The following ABLIM1 variants were observed in gnomAD, a reference collection of about 807,000 sequenced individuals.
The protein encoded by ABLIM1 is actin-binding LIM protein 1.
Under a neutral mutation model 107.0 loss-of-function variants are expected in ABLIM1, and 40 were observed. That is an observed-to-expected ratio of 0.37 (90% CI 0.29 to 0.49). ABLIM1 has a LOEUF of 0.49. ABLIM1 is among the 20% of genes least tolerant of loss of function. The probability of loss-of-function intolerance (pLI) is 0.97; values close to 1 mark genes in which losing one functional copy is unlikely to be tolerated. For synonymous variants in ABLIM1, 357 were observed against 357.3 expected, an observed-to-expected ratio of 1.00 and a Z score of 0.01; for missense variants, 857 against 1,008.5, an observed-to-expected ratio of 0.85 and a Z score of 2.04.
chr10:114,601,497 C>A (rs1212490691), intron 2 of ABLIM1, among the ~76,000 whole-genome samples: 9 of 152,042 alleles, frequency 5.9e-5, no homozygotes, highest in Non-Finnish European at 8.8e-5. Flanking sequence ...AACTCTTGAC[C>A]TCAGGCGATC....
At position 114,466,325 on chromosome 10, in the gene ABLIM1, T is replaced by C. The variant is rs565962628; in HGVS notation, c.1312-498A>G. On this transcript the variant is annotated intron_variant, in intron 11 of 22. Transcript: ENST00000533213. ...ACACTGTTTCTTTAAAAAAAAAAAA[T>C]TTTAAGGATGAAAACATATAAACCT... Among the ~76,000 whole-genome samples the C allele has an allele frequency of 1.6e-4, 24 of 152,054 alleles. No homozygotes were observed. In the South Asian group the frequency reaches 2.1e-3, roughly 13 times the overall value.
chr10:114,654,473 C>CT (rs1438652780), intron 1 of ABLIM1, among the ~76,000 whole-genome samples: 2 of 152,096 alleles, frequency 1.3e-5, no homozygotes, highest in East Asian at 1.9e-4. Context: ...TTATTTTTAT[C>CT]TTTTTTTACA....
chr10:114,668,239 G>T (rs1169713669), intron 1 of ABLIM1, among the ~76,000 whole-genome samples: 1 of 152,200 alleles, frequency 6.6e-6, no homozygotes, highest in Non-Finnish European at 1.5e-5. Flanking sequence ...CCCAGCCTGG[G>T]AGGAGGTGGG....
intron 8 of ABLIM1, among the ~76,000 whole-genome samples, chr10:114,480,858 A>G (rs879493624): frequency 3.3e-5 from 5 of 152,222 alleles, no homozygotes; most frequent in Admixed American, 3.3e-4. Flanking sequence ...ACACACACAC[A>G]CAAATAACAA....
upstream of ABLIM1, among the ~76,000 whole-genome samples, chr10:114,686,741 G>C (rs183963486): frequency 8.6e-4 from 130 of 151,686 alleles, no homozygotes; most frequent in African/African-American, 2.8e-3. Context: ...TGATTCTCCT[G>C]CTTCAGCCTC....
intron 6 of ABLIM1, 138 bp from the exon 7 acceptor site, chr10:114,492,016 C>T (rs1370292811): frequency 2.3e-5 from 15 of 646,050 alleles, no homozygotes; most frequent in Non-Finnish European, 2.2e-5. Context: ...AAACTTCCTA[C>T]ACCAACAGCC....
At chr10:114,700,805 G>A (rs946123672) in intron 1 of ABLIM1, among the ~76,000 whole-genome samples, 2 of 151,848 alleles carry the variant, frequency 1.3e-5, no homozygotes, top group African/African-American at 4.8e-5. Context: ...AGGAATCATA[G>A]ATGTAAACTT....
At chr10:114,597,051 C>A (rs572812436) in intron 2 of ABLIM1, among the ~76,000 whole-genome samples, 3 of 152,154 alleles carry the variant, frequency 2.0e-5, no homozygotes, top group African/African-American at 7.2e-5. Flanking sequence ...ACCAAAAGCC[C>A]GGGCTTGTTT....
At chr10:114,587,922 C>T (rs921882776) in intron 2 of ABLIM1, among the ~76,000 whole-genome samples, 1 of 152,182 alleles carries the variant, frequency 6.6e-6, no homozygotes, top group African/African-American at 2.4e-5. Context: ...GCACCTTGCT[C>T]TCCAGCTCAC....
chr10:114,487,528 C>T (rs1340035834), intron 8 of ABLIM1, among the ~76,000 whole-genome samples: 1 of 152,106 alleles, frequency 6.6e-6, no homozygotes, highest in Non-Finnish European at 1.5e-5. Flanking sequence ...AGAGTCTATT[C>T]TGGTGAATTT....
At chr10:114,718,873 T>G (rs1481911736) in intron 1 of ABLIM1, among the ~76,000 whole-genome samples, 1 of 152,160 alleles carries the variant, frequency 6.6e-6, no homozygotes, top group Non-Finnish European at 1.5e-5. Flanking sequence ...AAGATAAATA[T>G]GCGTATACAT....
At chr10:114,506,622 A>AT (rs950189009) in intron 6 of ABLIM1, among the ~76,000 whole-genome samples, 1 of 152,050 alleles carries the variant, frequency 6.6e-6, no homozygotes, top group East Asian at 1.9e-4. Flanking sequence ...GATGATGAGC[A>AT]TTTTTTCATA....
intron 2 of ABLIM1, among the ~76,000 whole-genome samples, chr10:114,597,563 AAAAGG>A (rs1434798510): frequency 6.6e-6 from 1 of 152,258 alleles, no homozygotes; most frequent in South Asian, 2.1e-4. Flanking sequence ...AGAAGGGAAG[AAAAGG>A]AAAGGAAAGG....
rs752617275 is a variant in ABLIM1, at chr10:114,629,219, G to C, written c.245-27258C>G. Among the ~76,000 whole-genome samples, 4 of 152,140 alleles carry C rather than the reference G, an allele frequency of 2.6e-5. No individual in the cohort carries two copies. Among genetic ancestry groups the C allele is most frequent in the Non-Finnish European group, 4.4e-5 (3 of 68,030 alleles). On this transcript the variant is annotated intron_variant, in intron 1 of 22. Coordinates refer to ENST00000533213, the MANE Select transcript of ABLIM1 (RefSeq NM_002313.7). This position sits in a 1 kb window ranked among gnomAD's most constrained non-coding sequence, Gnocchi z 4.0. ...CCCGAACCAGGTATTTTATCCTAGAGAGAAAACTATGAGGCAAGCCAGTGT... is the reference window on the plus strand; with the variant it reads ...CCCGAACCAGGTATTTTATCCTAGACAGAAAACTATGAGGCAAGCCAGTGT...
At chr10:114,704,958 C>T (rs1031541447) in intron 1 of ABLIM1, among the ~76,000 whole-genome samples, 4 of 152,100 alleles carry the variant, frequency 2.6e-5, no homozygotes, top group Admixed American at 6.5e-5. Context: ...TCAAAGGATT[C>T]GGTAGTCATG....
chr10:114,457,740 T>C (rs1315786003), intron 12 of ABLIM1, among the ~76,000 whole-genome samples: 3 of 152,228 alleles, frequency 2.0e-5, no homozygotes, highest in Non-Finnish European at 4.4e-5. Context: ...ATCATCGTTG[T>C]CATCATCTAT....
intron 1 of ABLIM1, among the ~76,000 whole-genome samples, chr10:114,703,364 C>T (rs1273556055): frequency 6.6e-6 from 1 of 152,218 alleles, no homozygotes; most frequent in Non-Finnish European, 1.5e-5. Context: ...CTTATCTAAC[C>T]TTGACTATGG....
rs150380830 is a variant in ABLIM1 at position 114,730,615 on chromosome 10, A to T, written c.-213+37446T>A. Among the ~76,000 whole-genome samples the T allele has an allele frequency of 8.9e-3, 1,357 of 152,244 alleles. 13 individuals are homozygous for T. The highest frequency in any genetic ancestry group is 0.015 in the Non-Finnish European group (1,029 of 68,030). On this transcript the variant is annotated intron_variant, in intron 1 of 15. Coordinates refer to the ABLIM1 transcript ENST00000651092. ...ATAATACTGGTTTTATTCATAAATC[A>T]ATTAAATATCTATATGATTTTTTCA...
At chr10:114,787,179 C>G in the ABLIM1 span, among the ~76,000 whole-genome samples, 1 of 151,198 alleles carries the variant, frequency 6.6e-6, no homozygotes, top group Non-Finnish European at 1.5e-5. Context: ...CGTCTCTGCC[C>G]GGCCGCCCCG....
Sources: allele counts gnomAD v4.1 joint callset (sites outside exome capture counted in the v4.1 genomes callset), GRCh38; gene constraint gnomAD v4.1.1; non-coding constraint Gnocchi (gnomAD v3.1); transcripts MANE v1.5; gene names NCBI Gene and HGNC (gene_info 2026-07-23, HGNC 2026-07-21).